SKAP2: variants seen among roughly 807,000 people sequenced by gnomAD.
The protein encoded by SKAP2 is src kinase-associated phosphoprotein 2.
Under a neutral mutation model 54.9 loss-of-function variants are expected in SKAP2, and 28 were observed. The observed-to-expected ratio is 0.51, with a 90% CI of 0.38 to 0.70. The LOEUF (loss-of-function observed/expected upper bound fraction) is 0.70, where lower values mean the gene tolerates loss of function less well. Among genes scored for constraint, SKAP2 ranks in the 30% least tolerant of loss-of-function variants. The pLI is 0.00. For synonymous variants in SKAP2, 137 were observed against 134.3 expected (o/e 1.02, Z -0.14); for missense variants, 356 against 424.1 (o/e 0.84, Z 1.41).
the SKAP2 span, among the ~76,000 whole-genome samples, chr7:26,658,073 G>A: frequency 2.0e-5 from 3 of 152,174 alleles, no homozygotes; most frequent in African/African-American, 7.2e-5. Context: ...TAGTACTGCA[G>A]TCGACTTCAA....
chr7:26,793,101 G>A (rs1347085114), intron 4 of SKAP2, among the ~76,000 whole-genome samples: 1 of 152,116 alleles, frequency 6.6e-6, no homozygotes, highest in Non-Finnish European at 1.5e-5. Context: ...CCTTATTTCT[G>A]AAGTGCTAAA....
chr7:26,745,847 C>T (rs1391852005), intron 4 of SKAP2, among the ~76,000 whole-genome samples: 1 of 152,056 alleles, frequency 6.6e-6, no homozygotes, highest in East Asian at 1.9e-4. Flanking sequence ...AGTATTTACC[C>T]ACTTAATGAT....
At chr7:26,714,739 C>T (rs960597579) in intron 9 of SKAP2, among the ~76,000 whole-genome samples, 2 of 152,132 alleles carry the variant, frequency 1.3e-5, no homozygotes, top group African/African-American at 2.4e-5. Context: ...TGTATGTGTT[C>T]GTGTGGCTAT....
intron 9 of SKAP2, among the ~76,000 whole-genome samples, chr7:26,702,171 T>C (rs538479940): frequency 3.7e-4 from 56 of 152,312 alleles, no homozygotes; most frequent in Non-Finnish European, 5.3e-4. Context: ...TTTTGTTTTT[T>C]TGAGGCAGGG....
At chr7:26,732,890 T>C (rs1787850219) in intron 6 of SKAP2, among the ~76,000 whole-genome samples, 1 of 152,224 alleles carries the variant, frequency 6.6e-6, no homozygotes, top group African/African-American at 2.4e-5. Context: ...CCTGACTATT[T>C]CTGCATGTTG....
intron 9 of SKAP2, among the ~76,000 whole-genome samples, chr7:26,708,839 G>A (rs1342153145): frequency 6.6e-6 from 1 of 152,122 alleles, no homozygotes; most frequent in Non-Finnish European, 1.5e-5. Context: ...CCAGTGTCTA[G>A]CACAGTGCCT....
chr7:26,687,202 A>C (rs1436450588), intron 10 of SKAP2, among the ~76,000 whole-genome samples: 1 of 150,266 alleles, frequency 6.7e-6, no homozygotes, highest in East Asian at 2.1e-4. Flanking sequence ...AATGGGAGTT[A>C]CAGGAGCACA....
intron 4 of SKAP2, among the ~76,000 whole-genome samples, chr7:26,791,792 G>A (rs1333930476): frequency 6.6e-6 from 1 of 152,156 alleles, no homozygotes; most frequent in Admixed American, 6.5e-5. Flanking sequence ...AGCTATTGCG[G>A]AAAACATTTT....
intron 6 of SKAP2, among the ~76,000 whole-genome samples, chr7:26,729,290 T>C (rs1051989420): frequency 3.9e-5 from 6 of 152,150 alleles, no homozygotes; most frequent in South Asian, 4.1e-4. Context: ...TCAGATTTCA[T>C]AGACATGTAC....
At chr7:26,760,879 T>C (rs1782913051) in intron 4 of SKAP2, among the ~76,000 whole-genome samples, 2 of 152,160 alleles carry the variant, frequency 1.3e-5, no homozygotes, top group Non-Finnish European at 2.9e-5. Flanking sequence ...GCCAAAAGCA[T>C]ATAGAATTTT....
chr7:26,830,264 A>G (rs903152510), intron 4 of SKAP2, among the ~76,000 whole-genome samples: 2 of 152,180 alleles, frequency 1.3e-5, no homozygotes, highest in African/African-American at 4.8e-5. Flanking sequence ...GAGAAAACTG[A>G]GAGTGACTAC....
intron 4 of SKAP2, among the ~76,000 whole-genome samples, chr7:26,790,397 A>C (rs937455051): frequency 6.6e-6 from 1 of 152,196 alleles, no homozygotes; most frequent in Non-Finnish European, 1.5e-5. Context: ...TAAATTAGTA[A>C]GGTGAACTTT....
intron 4 of SKAP2, among the ~76,000 whole-genome samples, chr7:26,795,625 A>T (rs1371939895): frequency 6.6e-6 from 1 of 152,246 alleles, no homozygotes; most frequent in Non-Finnish European, 1.5e-5. Flanking sequence ...AAACAATAGC[A>T]TCATTTAAGC....
chr7:26,833,309 T>C lies in SKAP2; in HGVS notation c.307+10721A>G, dbSNP rs1156459030. 2.0e-5 allele frequency among the ~76,000 whole-genome samples: 3 copies of C among 146,886 alleles called. No individual in the cohort carries two copies. The East Asian group carries it at 6.0e-4, about 29-fold the overall frequency. On this transcript the variant is annotated intron_variant, in intron 4 of 12. Transcript: ENST00000345317. ...TACTCAGGAGGCTGAGGCAGGAGAA[T>C]GGAGTGAACCCAGGAGGCAGAGCTT... is the stretch of plus-strand genomic sequence containing the variant.
intron 9 of SKAP2, among the ~76,000 whole-genome samples, chr7:26,716,008 A>G (rs1787426313): frequency 1.3e-5 from 2 of 152,244 alleles, no homozygotes; most frequent in Non-Finnish European, 2.9e-5. Flanking sequence ...GTTAAAGACC[A>G]TAGTCTGTAT....
intron 11 of SKAP2, among the ~76,000 whole-genome samples, chr7:26,676,675 A>G (rs1786356027): frequency 6.6e-6 from 1 of 152,208 alleles, no homozygotes; most frequent in Non-Finnish European, 1.5e-5. Flanking sequence ...CATACTGTTA[A>G]CATATTGGGA....
intron 4 of SKAP2, among the ~76,000 whole-genome samples, chr7:26,801,870 A>G (rs1562616248): frequency 1.3e-5 from 2 of 152,218 alleles, no homozygotes; most frequent in Admixed American, 6.5e-5. Context: ...CTAAAAATCA[A>G]AAAATATTTC....
At chr7:26,738,956 C>T (rs1394102926) in intron 5 of SKAP2, 78 bp from the exon 6 acceptor site, 1 of 857,302 alleles carries the variant, frequency 1.2e-6, no homozygotes, top group Non-Finnish European at 2.0e-6. Context: ...TTCTAAGATT[C>T]CTCTGAGCTC....
rs1786186710 is a variant in SKAP2 at position 26,669,604 on chromosome 7, A to G, written c.*62T>C. 6.6e-6 allele frequency: 1 copy of G among 152,296 alleles called. No homozygotes were observed. The highest frequency in any genetic ancestry group is 2.4e-5 in the African/African-American group (1 of 41,420). 9.4% of individuals were successfully genotyped at this position (152,296 alleles called of 1,614,324 possible). On this transcript the variant is annotated 3_prime_UTR_variant, in exon 13 of 13. Coordinates refer to ENST00000345317, the MANE Select transcript of SKAP2 (RefSeq NM_003930.5). ...GTTAGGAGCTGTCACTCGTGCTTTC[A>G]TGACGCTTCTAAATCCAAAGCATTT...
Sources: allele counts gnomAD v4.1 joint callset (sites outside exome capture counted in the v4.1 genomes callset), GRCh38; gene constraint gnomAD v4.1.1; transcripts MANE v1.5; gene names NCBI Gene and HGNC (gene_info 2026-07-23, HGNC 2026-07-21).